The following TNRC6B variants were observed in gnomAD, a reference collection of about 807,000 sequenced individuals.
TNRC6B encodes the protein trinucleotide repeat-containing gene 6B protein.
A neutral mutation model predicts 203.6 loss-of-function variants in TNRC6B; 52 were observed. That is an observed-to-expected ratio of 0.26 (90% CI 0.20 to 0.32). The LOEUF is 0.32. Ranked by LOEUF, TNRC6B falls within the 10% of genes least tolerant of loss-of-function variation. TNRC6B has a pLI of 1.00. For missense variants in TNRC6B, 1,923 were observed against 2,286.2 expected, an observed-to-expected ratio of 0.84 and a Z score of 3.24; for synonymous variants, 838 against 845.7, an observed-to-expected ratio of 0.99 and a Z score of 0.16.
chr22:40,256,768 C>T (rs904098778), intron 3 of TNRC6B, among the ~76,000 whole-genome samples: 4 of 152,094 alleles, frequency 2.6e-5, no homozygotes, highest in Non-Finnish European at 4.4e-5. Flanking sequence ...GAGAAGCCCA[C>T]ACAGGAAGAG....
At chr22:40,119,438 G>A (rs1333546128) in intron 2 of TNRC6B, among the ~76,000 whole-genome samples, 1 of 152,166 alleles carries the variant, frequency 6.6e-6, no homozygotes, top group African/African-American at 2.4e-5. Flanking sequence ...ACAAAAATTA[G>A]CCAGGCGTGG....
intron 15 of TNRC6B, among the ~76,000 whole-genome samples, 174 bp from the exon 16 acceptor site, chr22:40,308,338 T>G (rs1387860583): frequency 6.6e-6 from 1 of 152,202 alleles, no homozygotes; most frequent in Non-Finnish European, 1.5e-5. Flanking sequence ...GAGACATCAC[T>G]TATTTAGCGA....
chr22:40,069,369 G>C (rs2067927389), intron 1 of TNRC6B, among the ~76,000 whole-genome samples: 1 of 151,812 alleles, frequency 6.6e-6, no homozygotes, highest in Non-Finnish European at 1.5e-5. Flanking sequence ...CCCTCCCAAA[G>C]TGCTGGGATT....
At chr22:40,239,785 GT>G (rs2146461985) in intron 1 of TNRC6B, among the ~76,000 whole-genome samples, 1 of 152,212 alleles carries the variant, frequency 6.6e-6, no homozygotes, top group African/African-American at 2.4e-5. Flanking sequence ...GGGCAGTCTT[GT>G]TATGCCTCAG....
At chr22:40,052,144 C>G (rs1310007342) in intron 1 of TNRC6B, among the ~76,000 whole-genome samples, 1 of 152,132 alleles carries the variant, frequency 6.6e-6, no homozygotes, top group Non-Finnish European at 1.5e-5. Context: ...CCTTCCTTGC[C>G]AAGAAACACA....
chr22:40,165,455 C>G (rs1172168133), intron 4 of TNRC6B, among the ~76,000 whole-genome samples: 1 of 152,136 alleles, frequency 6.6e-6, no homozygotes, highest in Admixed American at 6.5e-5. Flanking sequence ...GGATTACAGG[C>G]ATGAGCCACC....
chr22:40,084,793 A>G (rs535832067), intron 1 of TNRC6B, among the ~76,000 whole-genome samples: 1 of 152,198 alleles, frequency 6.6e-6, no homozygotes, highest in Non-Finnish European at 1.5e-5. Flanking sequence ...GTTAGAGTGC[A>G]GTAGGAGTCA....
At chr22:40,062,206 T>G (rs1973004925) in intron 1 of TNRC6B, among the ~76,000 whole-genome samples, 1 of 152,170 alleles carries the variant, frequency 6.6e-6, no homozygotes, top group African/African-American at 2.4e-5. Context: ...TTTACTTTAT[T>G]TATTTATTTT....
chr22:40,206,726 A>G (rs909933091), intron 1 of TNRC6B, among the ~76,000 whole-genome samples: 3 of 152,098 alleles, frequency 2.0e-5, no homozygotes, highest in African/African-American at 7.2e-5. Flanking sequence ...TCAGCGCGTA[A>G]GTGGGAAGCC....
chr22:40,306,066 G>C (rs1311002817), intron 15 of TNRC6B, among the ~76,000 whole-genome samples: 2 of 152,160 alleles, frequency 1.3e-5, no homozygotes, highest in African/African-American at 2.4e-5. Flanking sequence ...ACCGAGGCGG[G>C]CGGCTCACAA....
intron 15 of TNRC6B, among the ~76,000 whole-genome samples, chr22:40,304,631 G>A (rs368940673): frequency 3.3e-5 from 5 of 152,284 alleles, no homozygotes; most frequent in East Asian, 1.9e-4. Context: ...AAAATAAGAT[G>A]GTAGCGAAAA....
chr22:40,224,340 A>G (rs1275954257), intron 1 of TNRC6B, among the ~76,000 whole-genome samples: 3 of 152,156 alleles, frequency 2.0e-5, no homozygotes, highest in Admixed American at 2.0e-4. Flanking sequence ...ATTCCCTTAT[A>G]GAGAATGCAG....
intron 11 of TNRC6B, among the ~76,000 whole-genome samples, chr22:40,285,327 G>A (rs113777802): frequency 1.3e-3 from 202 of 152,306 alleles, no homozygotes; most frequent in African/African-American, 4.6e-3. Context: ...AAACCCAATC[G>A]CAAAGAAGAG....
chr22:40,217,581 C>T (rs906960855), intron 1 of TNRC6B, among the ~76,000 whole-genome samples: 1 of 152,162 alleles, frequency 6.6e-6, no homozygotes, highest in African/African-American at 2.4e-5. Flanking sequence ...CATCCAAATC[C>T]ATGTTGCTTT....
At chr22:40,177,311 C>T (rs938953961), upstream of TNRC6B, among the ~76,000 whole-genome samples, 7 of 152,104 alleles carry the variant, frequency 4.6e-5, no homozygotes, top group African/African-American at 1.7e-4. Context: ...GTACTGAACA[C>T]ACATACAGGC....
intron 3 of TNRC6B, among the ~76,000 whole-genome samples, chr22:40,139,823 T>C (rs1407180259): frequency 6.6e-6 from 1 of 152,228 alleles, no homozygotes; most frequent in South Asian, 2.1e-4. Context: ...CTGGGTCATA[T>C]GGTTTAACTT....
At chr22:40,251,274 C>A in intron 3 of TNRC6B, 74 bp downstream of exon 3, 1 of 1,184,258 alleles carries the variant, frequency 8.4e-7, no homozygotes, top group South Asian at 1.5e-5. Flanking sequence ...CTGACTCAGC[C>A]TCCAATCCAC....
intron 1 of TNRC6B, among the ~76,000 whole-genome samples, chr22:40,045,281 G>A (rs1256202023): frequency 2.0e-5 from 3 of 147,012 alleles, no homozygotes; most frequent in Non-Finnish European, 4.5e-5. Flanking sequence ...GAGGGGCGGG[G>A]AGGGACTCGG....
chr22:40,225,205 T>C (rs890139933), intron 1 of TNRC6B, among the ~76,000 whole-genome samples: 5 of 152,326 alleles, frequency 3.3e-5, no homozygotes, highest in Non-Finnish European at 7.4e-5. Flanking sequence ...GGAAGAGGCA[T>C]GTGCTTATTG....
Sources: allele counts gnomAD v4.1 joint callset (sites outside exome capture counted in the v4.1 genomes callset), GRCh38; gene constraint gnomAD v4.1.1; transcripts MANE v1.5; gene names NCBI Gene and HGNC (gene_info 2026-07-23, HGNC 2026-07-21).